Variants in DPYSL4 observed in about 807,000 individuals in gnomAD.
The protein encoded by DPYSL4 is dihydropyrimidinase-related protein 4.
DPYSL4 carries 43 observed loss-of-function variants against 63.4 expected under a neutral mutation model. The observed-to-expected ratio is 0.68, with a 90% CI of 0.53 to 0.88. The LOEUF is 0.88. Among genes scored for constraint, DPYSL4 ranks in the 40% least tolerant of loss-of-function variants. The pLI, the probability that DPYSL4 is intolerant of heterozygous loss-of-function variation, is 0.00. For synonymous variants in DPYSL4, 353 were observed against 331.7 expected (o/e 1.06, Z -0.70); for missense variants, 733 against 819.5 (o/e 0.89, Z 1.29).
chr10:132,198,981 C>A lies in DPYSL4; in HGVS notation c.811+10C>A. On this transcript the variant is annotated intron_variant, in intron 8 of 13. Coordinates refer to ENST00000338492, the MANE Select transcript of DPYSL4 (RefSeq NM_006426.3). ...CAGGCCAAGCGCAGAGGTGAGCACCCAGCCCCGCCTCTGATGCCGAGGGGC... is the reference window on the plus strand; with the variant it reads ...CAGGCCAAGCGCAGAGGTGAGCACCAAGCCCCGCCTCTGATGCCGAGGGGC... 1 of 1,599,716 alleles carries A rather than the reference C, an allele frequency of 6.3e-7. No individual in the cohort carries two copies.
rs1024029788 is a variant in DPYSL4 at position 132,200,855 on chromosome 10, G to A, written c.982G>A (p.Val328Met). Residue 328 changes from valine (V) to methionine (M), a missense_variant, in exon 10 of 14, where the codon GTG (valine) becomes ATG (methionine). By Grantham distance (21) the Val-to-Met change is conservative. Transcript: ENST00000338492. ...GCTTGTTTCCAGCGGGGACCTCCAG[G>A]TGACAGGCAGCGCCCACTGCACCTT... ...TCLLSSGDLQ[V>M]TGSAHCTFTT... 1.9e-6 allele frequency: 3 copies of A among 1,612,686 alleles called. No individual in the cohort carries two copies. The highest frequency in any genetic ancestry group is 2.5e-6 in the Non-Finnish European group (3 of 1,179,822).
At chr10:132,204,390 C>A (rs1455248551) in intron 13 of DPYSL4, among the ~76,000 whole-genome samples, 2 of 152,164 alleles carry the variant, frequency 1.3e-5, no homozygotes, top group Non-Finnish European at 2.9e-5. Flanking sequence ...TGCCAGGGTC[C>A]GGCCTCTGGC....
chr10:132,202,927 G>A (rs2062039426), intron 12 of DPYSL4, 102 bp downstream of exon 12: 3 of 1,414,402 alleles, frequency 2.1e-6, no homozygotes, highest in African/African-American at 2.9e-5. Context: ...CTCCCGAGGG[G>A]TCAGGAAGAC....
intron 4 of DPYSL4, among the ~76,000 whole-genome samples, chr10:132,195,569 C>G (rs78653950): frequency 0.12 from 17,628 of 152,202 alleles, 1,382 homozygotes; most frequent in South Asian, 0.16. Flanking sequence ...CAAGCAAGCC[C>G]AGGAGCCTGT....
chr10:132,202,003 A>G lies in DPYSL4; in HGVS notation c.1168A>G (p.Lys390Glu), dbSNP rs775204650. The G allele has an allele frequency of 1.9e-6, 3 of 1,613,362 alleles. No homozygotes were observed. In the Admixed American group the frequency reaches 5.0e-5, roughly 27 times the overall value. ...CGCGGTGACCAGTACAAATGCTGCC[A>G]AAATCTTCAATTTTTACCCAAGGAA... ...FVAVTSTNAA[K>E]IFNFYPRKGR... Residue 390 changes from lysine to glutamate, a missense_variant, in exon 11 of 14, where the codon AAA (lysine) becomes GAA (glutamate). Transcript: ENST00000338492.
intron 7 of DPYSL4, 73 bp from the exon 8 acceptor site, chr10:132,198,778 C>T: frequency 3.2e-6 from 5 of 1,577,622 alleles, no homozygotes; most frequent in Non-Finnish European, 4.3e-6. Flanking sequence ...GACACCTGGG[C>T]ATCCCCATTG....
rs2061955861 is a variant in DPYSL4 at position 132,197,095 on chromosome 10, G to A, written c.615G>A (p.Val205=). The A allele has an allele frequency of 2.0e-6, 3 of 1,515,598 alleles. No homozygotes were observed. Among genetic ancestry groups the A allele is most frequent in the Non-Finnish European group, 2.7e-6 (3 of 1,128,316 alleles). 93.9% of individuals were successfully genotyped at this position (1,515,598 alleles called of 1,614,324 possible). ...TGCACGCTGAGAACGGGGACATCGT[G>A]GAGGAGGTGCCGTGGGGCAGGGCTG... ...AQVHAENGDI[V]EEEQKRLLEL... The change falls in exon 6 of 14, where the codon GTG becomes GTA. Residue 205 remains valine (V), a synonymous_variant. Transcript: ENST00000338492.
At chr10:132,194,534 G>T (rs375617044) in intron 3 of DPYSL4, among the ~76,000 whole-genome samples, 1 of 152,214 alleles carries the variant, frequency 6.6e-6, no homozygotes, top group Non-Finnish European at 1.5e-5. Context: ...GCAAAGCCCC[G>T]ACCTCCTGTG....
At position 132,196,825 on chromosome 10, in the gene DPYSL4, T is replaced by G. The variant is rs200896877; in HGVS notation, c.479-36T>G. On this transcript the variant is annotated intron_variant, in intron 4 of 13. Transcript: ENST00000338492. ...GAGGCTCCGTAGGTTGTCTGACTGGTGATGGCTGAGCCTCTGACCCCTGCC... is the reference window on the plus strand; with the variant it reads ...GAGGCTCCGTAGGTTGTCTGACTGGGGATGGCTGAGCCTCTGACCCCTGCC... 1.1e-4 allele frequency: 178 copies of G among 1,611,552 alleles called. 2 individuals carry two copies. The African/African-American group carries it at 2.1e-3, about 19-fold the overall frequency.
Position 132,196,939 on chromosome 10 carries a change from G to A in DPYSL4, c.540+17G>A. On this transcript the variant is annotated intron_variant, in intron 5 of 13. Transcript: ENST00000338492. The stretch of plus-strand genomic sequence containing the variant: ...GACAGCCAGGTAAGGGCAGGCGTGG[G>A]GAACGGAGTGGGCAGGTATATCCCA... 1 of 1,613,678 alleles carries A rather than the reference G, an allele frequency of 6.2e-7. No homozygotes were observed. Among genetic ancestry groups the A allele is most frequent in the South Asian group, 1.1e-5 (1 of 91,086 alleles).
In DPYSL4 at chr10:132,200,383, C is replaced by T; in HGVS notation, c.839C>T (p.Thr280Ile). 6.2e-7 allele frequency: 1 copy of T among 1,613,406 alleles called. No individual in the cohort carries two copies. Among genetic ancestry groups the T allele is most frequent in the South Asian group, 1.1e-5 (1 of 91,082 alleles). The stretch of plus-strand genomic sequence containing the variant: ...GTGGTCGTGTTTGGGGAGCCCATCA[C>T]CGCCAGCCTGGGCACCGACGGTTCA... ...RGVVVFGEPITASLGTDGSHY... is the reference protein window; with the variant it reads ...RGVVVFGEPIIASLGTDGSHY... The change falls in exon 9 of 14, where the codon ACC becomes ATC. Residue 280 changes from threonine to isoleucine, a missense_variant. By Grantham distance (89) the Thr-to-Ile change is moderately conservative (BLOSUM62 -1). Transcript: ENST00000338492.
rs1172556734 is a variant in DPYSL4 at position 132,200,634 on chromosome 10, G to T, written c.968+122G>T. 4.2e-6 allele frequency: 6 copies of T among 1,419,470 alleles called. No homozygotes were observed. The East Asian group carries it at 1.5e-4, about 35-fold the overall frequency. 87.9% of individuals were successfully genotyped at this position (1,419,470 alleles called of 1,614,324 possible). A position where few individuals can be genotyped will look rare whatever the true frequency, so the allele number is the denominator to read the frequency against. On this transcript the variant is annotated intron_variant, in intron 9 of 13. Coordinates refer to ENST00000338492, the MANE Select transcript of DPYSL4 (RefSeq NM_006426.3). Reference sequence around the variant, plus strand: ...TAGGGCAGCCCGGACAGTGGCGGGTGGGGAAGTCTGAGCCCTTTGGTCCCA... The same window carrying T: ...TAGGGCAGCCCGGACAGTGGCGGGTTGGGAAGTCTGAGCCCTTTGGTCCCA...
intron 1 of DPYSL4, among the ~76,000 whole-genome samples, chr10:132,188,319 G>A (rs1000433941): frequency 1.1e-4 from 16 of 152,300 alleles, no homozygotes; most frequent in African/African-American, 3.6e-4. Context: ...CAGTCTCAGT[G>A]CGGGTGCCTG....
chr10:132,193,086 G>C (rs1167031351), intron 3 of DPYSL4, among the ~76,000 whole-genome samples: 1 of 152,100 alleles, frequency 6.6e-6, no homozygotes, highest in African/African-American at 2.4e-5. Flanking sequence ...TGACTGACGT[G>C]TGTCCACTTG....
In DPYSL4 at chr10:132,187,094, C is replaced by A. The variant is rs988446014; in HGVS notation, c.31C>A (p.Arg11=). The change falls in exon 1 of 14, where the codon CGG becomes AGG. Residue 11 remains arginine (R), a synonymous_variant. Coordinates refer to ENST00000338492, the MANE Select transcript of DPYSL4 (RefSeq NM_006426.3). MSFQGKKSIP[R]ITSDRLLIRG... ...CTTCCAGGGCAAGAAAAGCATCCCC[C>A]GGATCACGGTGAGCCCGGTCCCGCT... 7.9e-6 allele frequency: 12 copies of A among 1,514,676 alleles called. No individual in the cohort carries two copies. Among genetic ancestry groups the A allele is most frequent in the African/African-American group, 1.4e-5 (1 of 69,656 alleles). The allele number at this position is 1,514,676 out of a possible 1,614,324, so 93.8% of individuals were successfully genotyped here.
chr10:132,202,161 G>A (rs200195729), intron 11 of DPYSL4, 45 bp downstream of exon 11: 74 of 1,584,354 alleles, frequency 4.7e-5, no homozygotes, highest in Admixed American at 7.0e-5. Flanking sequence ...TTGTGGGGCC[G>A]GGACCCCAGG....
intron 3 of DPYSL4, among the ~76,000 whole-genome samples, chr10:132,193,746 C>T (rs2061906480): frequency 6.6e-6 from 1 of 152,262 alleles, no homozygotes; most frequent in Non-Finnish European, 1.5e-5. Context: ...ACACTGGCCT[C>T]ATGAGCTTCT....
chr10:132,202,486 C>T (rs2062031764), intron 11 of DPYSL4, among the ~76,000 whole-genome samples, 160 bp from the exon 12 acceptor site: 1 of 152,238 alleles, frequency 6.6e-6, no homozygotes, highest in East Asian at 1.9e-4. Flanking sequence ...GCATTCCTCC[C>T]GAGTTCCAAC....
Position 132,200,489 on chromosome 10 carries a change from C to A in DPYSL4, c.945C>A (p.Asp315Glu), listed in dbSNP as rs1172585659. ...TCAACCCAGACCCCACCACGGCGGA[C>A]CACCTCACCTGCTTGCTGTCCAGGT... ...PPVNPDPTTA[D>E]HLTCLLSSGD... Residue 315 changes from aspartate to glutamate, a missense_variant, in exon 9 of 14, where the codon GAC becomes GAA. By Grantham distance (45) the Asp-to-Glu change is conservative. Coordinates refer to ENST00000338492, the MANE Select transcript of DPYSL4 (RefSeq NM_006426.3). 1 of 1,613,170 alleles carries A rather than the reference C, an allele frequency of 6.2e-7. No homozygotes were observed. Among genetic ancestry groups the A allele is most frequent in the Non-Finnish European group, 8.5e-7 (1 of 1,179,872 alleles).
Sources: allele counts gnomAD v4.1 joint callset (sites outside exome capture counted in the v4.1 genomes callset), GRCh38; gene constraint gnomAD v4.1.1; transcripts MANE v1.5; gene names NCBI Gene and HGNC (gene_info 2026-07-23, HGNC 2026-07-21).